Variants in CMBL observed in about 807,000 individuals in gnomAD.
The protein encoded by CMBL is carboxymethylenebutenolidase homolog (Pseudomonas).
In CMBL, 17 loss-of-function variants were observed where a neutral mutation model predicts 28.7. The ratio of observed to expected loss-of-function variants is 0.59; its 90% confidence interval spans 0.41 to 0.89. The LOEUF is 0.89. CMBL is among the 40% of genes least tolerant of loss of function. CMBL has a pLI of 0.00. For synonymous variants in CMBL, 106 were observed against 101.6 expected, an observed-to-expected ratio of 1.04 and a Z score of -0.26; for missense variants, 310 against 298.5, an observed-to-expected ratio of 1.04 and a Z score of -0.28.
intron 1 of CMBL, among the ~76,000 whole-genome samples, chr5:10,306,626 G>A (rs1179011866): frequency 3.3e-5 from 5 of 152,218 alleles, no homozygotes; most frequent in Non-Finnish European, 7.3e-5. Context: ...AAACATTGTA[G>A]GAACTTGCAT....
chr5:10,293,910 G>C (rs1205994887), intron 1 of CMBL, among the ~76,000 whole-genome samples: 1 of 152,218 alleles, frequency 6.6e-6, no homozygotes, highest in African/African-American at 2.4e-5. Flanking sequence ...GAAAAACAGA[G>C]CAGAGAAGGA....
At chr5:10,299,911 G>A (rs972595388) in intron 1 of CMBL, among the ~76,000 whole-genome samples, 1 of 152,076 alleles carries the variant, frequency 6.6e-6, no homozygotes, top group Non-Finnish European at 1.5e-5. Flanking sequence ...AAATGTTCTT[G>A]GCACCACTAA....
intron 5 of CMBL, among the ~76,000 whole-genome samples, chr5:10,281,686 A>C (rs1331413864): frequency 6.6e-6 from 1 of 152,246 alleles, no homozygotes; most frequent in Non-Finnish European, 1.5e-5. Context: ...CATGCTGAGA[A>C]TACTTCCCTC....
Position 10,286,439 on chromosome 5 carries a change from G to C in CMBL, c.381C>G (p.Gly127=). 6.2e-7 allele frequency: 1 copy of C among 1,613,984 alleles called. No individual in the cohort carries two copies. Among genetic ancestry groups the C allele is most frequent in the Non-Finnish European group, 8.5e-7 (1 of 1,179,860 alleles). Reference sequence around the variant, plus strand: ...TTCCACCCCAGCAGAATCCCACGATGCCAATTTTCTGGGCATGACACTGTT... The same window carrying C: ...TTCCACCCCAGCAGAATCCCACGATCCCAATTTTCTGGGCATGACACTGTT... ...LKQQCHAQKI[G]IVGFCWGGTA... Residue 127 remains glycine, a synonymous_variant, in exon 4 of 6, where the codon GGC becomes GGG. Transcript: ENST00000296658.
At position 10,279,864 on chromosome 5, in the gene CMBL, G is replaced by A. The variant is rs1746467441; in HGVS notation, c.*589C>T. 6.6e-6 allele frequency: 1 copy of A among 151,682 alleles called. No homozygotes were observed. The highest frequency in any genetic ancestry group is 1.5e-5 in the Non-Finnish European group (1 of 67,932). The allele number at this position is 151,682 out of a possible 1,614,324, so 9.4% of individuals were successfully genotyped here. ...CTGTAGGTTTTAACTAATAATTAGG[G>A]TATTACTCTATCATTCTCTATCATT... On this transcript the variant is annotated 3_prime_UTR_variant, in exon 6 of 6. Transcript: ENST00000296658.
chr5:10,290,590 T>C lies in CMBL; in HGVS notation c.173A>G (p.Asn58Ser), dbSNP rs747022209. Residue 58 changes from asparagine (N) to serine (S), a missense_variant, in exon 2 of 6, where the codon AAT becomes AGT. Transcript: ENST00000296658. ...GATCATGTCAGCTATATATCTGGTA[T>C]TGGGCAACTGCCAGCCAAATATATC... is the stretch of plus-strand genomic sequence containing the variant. ...IQDIFGWQLP[N>S]TRYIADMISG... The C allele has an allele frequency of 1.4e-5, 22 of 1,614,124 alleles. No individual in the cohort carries two copies. Among genetic ancestry groups the C allele is most frequent in the Non-Finnish European group, 1.8e-5 (21 of 1,180,046 alleles).
Position 10,280,454 on chromosome 5 carries a change from T to C in CMBL, c.737A>G (p.Ter246TrpextTer20), listed in dbSNP as rs1472377678. Residue 246 changes from the stop codon to tryptophan, a stop_lost, in exon 6 of 6, where the codon TAG (stop) becomes TGG (tryptophan). Coordinates refer to ENST00000296658, the MANE Select transcript of CMBL (RefSeq NM_138809.4). The stretch of plus-strand genomic sequence containing the variant: ...AGGAAGGCTTGCCCTTGATTCTTGC[T>C]ACATGTACTTGTTCAGCCACTCAAT... Reference protein sequence around the residue: ...NLIEWLNKYM* With the variant: ...NLIEWLNKYMW 1.9e-6 allele frequency: 3 copies of C among 1,586,636 alleles called. No individual in the cohort carries two copies. Among genetic ancestry groups the C allele is most frequent in the East Asian group, 2.3e-5 (1 of 44,386 alleles).
chr5:10,287,225 TATG>T (rs1746620369), intron 3 of CMBL, among the ~76,000 whole-genome samples: 1 of 152,210 alleles, frequency 6.6e-6, no homozygotes, highest in African/African-American at 2.4e-5. Flanking sequence ...ATTGCAAAGA[TATG>T]CAACCGAAGC....
chr5:10,286,601 T>A, intron 3 of CMBL, 105 bp from the exon 4 acceptor site: 3 of 1,056,906 alleles, frequency 2.8e-6, no homozygotes, highest in East Asian at 5.6e-5. Context: ...TTTTTGAAGT[T>A]GCCAAGGTTT....
intron 3 of CMBL, 71 bp downstream of exon 3, chr5:10,288,351 A>T: frequency 9.4e-7 from 1 of 1,063,432 alleles, no homozygotes; most frequent in Non-Finnish European, 1.5e-6. Flanking sequence ...AGTGTCTGAA[A>T]GGTGAAGCCC....
intron 1 of CMBL, among the ~76,000 whole-genome samples, chr5:10,294,234 G>A (rs946339976): frequency 1.3e-5 from 2 of 152,198 alleles, no homozygotes; most frequent in African/African-American, 4.8e-5. Context: ...TGAGATAGAA[G>A]CCACTGGAGA....
chr5:10,299,457 C>A (rs953487934), intron 1 of CMBL, among the ~76,000 whole-genome samples: 1 of 152,128 alleles, frequency 6.6e-6, no homozygotes, highest in Admixed American at 6.5e-5. Context: ...TGAAATGATA[C>A]AAACCCTGGA....
Position 10,286,315 on chromosome 5 carries a change from C to T in CMBL, c.466+39G>A, listed in dbSNP as rs186812717. 1.8e-3 allele frequency: 2,937 copies of T among 1,590,954 alleles called. 40 individuals are homozygous for T. The highest frequency in any genetic ancestry group is 6.7e-4 in the East Asian group (30 of 44,538). On this transcript the variant is annotated intron_variant, in intron 4 of 5. Coordinates refer to ENST00000296658, the MANE Select transcript of CMBL (RefSeq NM_138809.4). ...TGATTGTTGTCACTCTTCCACCCCT[C>T]CCTTCTGCATGGAGTAAAAATGCAC...
chr5:10,302,304 T>C (rs1274074479), intron 1 of CMBL, among the ~76,000 whole-genome samples: 1 of 152,206 alleles, frequency 6.6e-6, no homozygotes, highest in Non-Finnish European at 1.5e-5. Context: ...ACCTCTCCTC[T>C]TGGCCAAGGC....
chr5:10,295,251 T>C (rs1269498617), intron 1 of CMBL, among the ~76,000 whole-genome samples: 1 of 152,038 alleles, frequency 6.6e-6, no homozygotes, highest in Non-Finnish European at 1.5e-5. Context: ...GCCTGGTTAA[T>C]TTTTGTATTT....
At chr5:10,288,127 G>T (rs1746638781) in intron 3 of CMBL, among the ~76,000 whole-genome samples, 1 of 151,870 alleles carries the variant, frequency 6.6e-6, no homozygotes, top group Non-Finnish European at 1.5e-5. Flanking sequence ...AATTAGCCGG[G>T]CTGGTGGCAG....
At chr5:10,301,113 G>A (rs1746890753) in intron 1 of CMBL, among the ~76,000 whole-genome samples, 1 of 151,800 alleles carries the variant, frequency 6.6e-6, no homozygotes, top group South Asian at 2.1e-4. Flanking sequence ...GGAGATCGTG[G>A]GCTTTATTAT....
At chr5:10,283,706 G>A (rs553502526) in intron 4 of CMBL, among the ~76,000 whole-genome samples, 2 of 152,304 alleles carry the variant, frequency 1.3e-5, no homozygotes, top group African/African-American at 4.8e-5. Flanking sequence ...TGGAGGTTCA[G>A]TGAGCCAAGA....
intron 5 of CMBL, 22 bp from the exon 6 acceptor site, chr5:10,280,654 G>A: frequency 1.3e-6 from 2 of 1,576,210 alleles, no homozygotes; most frequent in East Asian, 4.5e-5. Context: ...AAGATTTCAT[G>A]ATTTTAACCC....
Sources: allele counts gnomAD v4.1 joint callset (sites outside exome capture counted in the v4.1 genomes callset), GRCh38; gene constraint gnomAD v4.1.1; transcripts MANE v1.5; gene names NCBI Gene and HGNC (gene_info 2026-07-23, HGNC 2026-07-21).